ZG16B: variants seen among roughly 807,000 people sequenced by gnomAD.
ZG16B encodes zymogen granule protein 16B, also known as pancreatic adenocarcinoma up-regulated factor.
Under a neutral mutation model 7.0 loss-of-function variants are expected in ZG16B, and 8 were observed. That is an observed-to-expected ratio of 1.15 (90% confidence interval 0.68 to 2.08). ZG16B has a LOEUF of 2.08. Ranked by LOEUF, ZG16B falls within the 30% of genes most tolerant of loss-of-function variation. The pLI is 0.00. For synonymous variants in ZG16B, 92 were observed against 86.1 expected (o/e 1.07, Z -0.38); for missense variants, 232 against 211.0 (o/e 1.10, Z -0.62).
In ZG16B at chr16:2,830,409, CCACAGAGCCCTGGGATGCACCGG is replaced by C. The variant is rs537078933; in HGVS notation, c.-27-4_-9del. On this transcript the variant is annotated splice_acceptor_variant and splice_polypyrimidine_tract_variant and 5_prime_UTR_variant and intron_variant, in exon 2 of 4. Coordinates refer to ENST00000382280, the MANE Select transcript of ZG16B (RefSeq NM_145252.3). LOFTEE classifies it low-confidence loss of function (5UTR_SPLICE). ...TGGAGTCAGGAGGCCTCTCTTCTTC[CCACAGAGCCCTGGGATGCACCGG>C]CCAGAGGCCATGCTGCTGCTGCTCA... The C allele has an allele frequency of 3.6e-4, 581 of 1,604,790 alleles. 9 individuals are homozygous for C. In the East Asian group the frequency reaches 0.01, roughly 29 times the overall value.
In ZG16B at chr16:2,832,141, C is replaced by A; in HGVS notation, c.501C>A (p.Asn167Lys). Residue 167 changes from asparagine to lysine, a missense_variant, in exon 4 of 4, where the codon AAC (asparagine) becomes AAA (lysine). Transcript: ENST00000382280. ...EPPVNLTYSA[N>K]SPVGR ...CAGTTAATCTCACATACTCAGCAAA[C>A]TCACCCGTGGGTCGCTAGGGTGGGG... The A allele has an allele frequency of 6.2e-7, 1 of 1,612,874 alleles. No homozygotes were observed. The highest frequency in any genetic ancestry group is 8.5e-7 in the Non-Finnish European group (1 of 1,179,006).
In ZG16B at chr16:2,832,130, T is replaced by A. The variant is rs565502627; in HGVS notation, c.490T>A (p.Tyr164Asn). Residue 164 changes from tyrosine to asparagine, a missense_variant, in exon 4 of 4, where the codon TAC becomes AAC. Tyr to Asn is a moderately radical substitution (Grantham distance 143, BLOSUM62 -2). Coordinates refer to ENST00000382280, the MANE Select transcript of ZG16B (RefSeq NM_145252.3). ...CACTGAGCCACCAGTTAATCTCACA[T>A]ACTCAGCAAACTCACCCGTGGGTCG... ...PTTEPPVNLT[Y>N]SANSPVGR 6.2e-7 allele frequency: 1 copy of A among 1,613,688 alleles called. No individual in the cohort carries two copies. The highest frequency in any genetic ancestry group is 1.1e-5 in the South Asian group (1 of 91,068).
chr16:2,831,960 T>C lies in ZG16B; in HGVS notation c.320T>C (p.Phe107Ser). 6.2e-7 allele frequency: 1 copy of C among 1,614,116 alleles called. No individual in the cohort carries two copies. Among genetic ancestry groups the C allele is most frequent in the Non-Finnish European group, 8.5e-7 (1 of 1,180,024 alleles). Residue 107 changes from phenylalanine to serine, a missense_variant, in exon 4 of 4, where the codon TTC becomes TCC. Transcript: ENST00000382280. The stretch of plus-strand genomic sequence containing the variant: ...ATGTACACCAGCAAGGACCGCTATT[T>C]CTATTTTGGGAAGCTTGATGGCCAG... Reference protein sequence around the residue: ...MVMYTSKDRYFYFGKLDGQIS... With the variant: ...MVMYTSKDRYSYFGKLDGQIS...
Position 2,831,995 on chromosome 16 carries a change from G to C in ZG16B, c.355G>C (p.Ala119Pro), listed in dbSNP as rs745493741. ...GAAGCTTGATGGCCAGATCTCCTCT[G>C]CCTACCCCAGCCAAGAGGGGCAGGT... is the stretch of plus-strand genomic sequence containing the variant. The part of the protein sequence containing the change: ...FGKLDGQISS[A>P]YPSQEGQVLV... Residue 119 changes from alanine to proline, a missense_variant, in exon 4 of 4, where the codon GCC (alanine) becomes CCC (proline). Coordinates refer to ENST00000382280, the MANE Select transcript of ZG16B (RefSeq NM_145252.3). The C allele has an allele frequency of 3.1e-6, 5 of 1,614,160 alleles. No homozygotes were observed. Among genetic ancestry groups the C allele is most frequent in the Non-Finnish European group, 4.2e-6 (5 of 1,180,030 alleles).
In ZG16B at chr16:2,830,340, G is replaced by A. The variant is rs775843483; in HGVS notation, c.-28+12G>A. The A allele has an allele frequency of 6.2e-7, 1 of 1,612,578 alleles. No individual in the cohort carries two copies. The highest frequency in any genetic ancestry group is 8.5e-7 in the Non-Finnish European group (1 of 1,179,360). On this transcript the variant is annotated intron_variant, in intron 1 of 3. Transcript: ENST00000382280. ...CAGTCACAGGCGAGGTAAGGTGCTTGGCTCCATGGGTGGGGCCCGGCAAGG... is the reference window on the plus strand; with the variant it reads ...CAGTCACAGGCGAGGTAAGGTGCTTAGCTCCATGGGTGGGGCCCGGCAAGG...
chr16:2,830,744 G>A lies in ZG16B; in HGVS notation c.103G>A (p.Asp35Asn), dbSNP rs34779825. ...GKYFSTTEDY[D>N]HEITGLRVSV... ...GTATTTCAGCACCACTGAAGACTAC[G>A]ACCATGAAATCACAGGGCTGCGGGT... is the stretch of plus-strand genomic sequence containing the variant. The change falls in exon 3 of 4, where the codon GAC (aspartate) becomes AAC (asparagine). Residue 35 changes from aspartate (D) to asparagine (N), a missense_variant. Asp to Asn is a conservative substitution (Grantham distance 23, BLOSUM62 1). Transcript: ENST00000382280. 0.029 allele frequency: 47,057 copies of A among 1,614,096 alleles called. 869 individuals are homozygous for A. The highest frequency in any genetic ancestry group is 0.035 in the Non-Finnish European group (40,791 of 1,179,982).
chr16:2,830,369 C>T (rs1251979718), intron 1 of ZG16B, 41 bp downstream of exon 1: 11 of 1,608,592 alleles, frequency 6.8e-6, no homozygotes, highest in African/African-American at 2.7e-5. Flanking sequence ...GGCAAGGTCA[C>T]ACTGGCCCTT....
chr16:2,831,682 A>G lies in ZG16B; in HGVS notation c.156-114A>G, dbSNP rs981523127. 3.4e-6 allele frequency: 5 copies of G among 1,464,906 alleles called. No homozygotes were observed. The African/African-American group carries it at 7.1e-5, about 21-fold the overall frequency. The allele number at this position is 1,464,906 out of a possible 1,614,324, so 90.7% of individuals were successfully genotyped here. ...CAGTGAGTCTGTGTCAGGGACCCAA[A>G]GTCTGATGGTGCTGGACTCTCTGCA... On this transcript the variant is annotated intron_variant, in intron 3 of 3. Transcript: ENST00000382280.
At chr16:2,831,741 G>A (rs548227056) in intron 3 of ZG16B, 55 bp from the exon 4 acceptor site, 96 of 1,559,578 alleles carry the variant, frequency 6.2e-5, no homozygotes, top group African/African-American at 5.6e-4. Context: ...CTGAGGACCC[G>A]GGATGTGCTG....
In ZG16B at chr16:2,831,976, T is replaced by G. The variant is rs1294931469; in HGVS notation, c.336T>G (p.Leu112=). 2 of 1,613,992 alleles carry G rather than the reference T, an allele frequency of 1.2e-6. No individual in the cohort carries two copies. The highest frequency in any genetic ancestry group is 1.7e-6 in the Non-Finnish European group (2 of 1,180,040). The stretch of plus-strand genomic sequence containing the variant: ...ACCGCTATTTCTATTTTGGGAAGCT[T>G]GATGGCCAGATCTCCTCTGCCTACC... The part of the protein sequence containing the change: ...SKDRYFYFGK[L]DGQISSAYPS... Residue 112 remains leucine (L), a synonymous_variant, in exon 4 of 4, where the codon CTT becomes CTG. Transcript: ENST00000382280.
chr16:2,830,592 C>A (rs2069248435), intron 2 of ZG16B, 99 bp downstream of exon 2: 3 of 1,584,284 alleles, frequency 1.9e-6, no homozygotes, highest in South Asian at 2.3e-5. Context: ...GTCACAGAAC[C>A]ATCCTGTCTG....
Position 2,831,845 on chromosome 16 carries a change from G to A in ZG16B, c.205G>A (p.Gly69Ser), listed in dbSNP as rs774166678. 9.9e-6 allele frequency: 16 copies of A among 1,613,894 alleles called. No individual in the cohort carries two copies. Among genetic ancestry groups the A allele is most frequent in the Admixed American group, 1.7e-5 (1 of 60,002 alleles). Residue 69 changes from glycine (G) to serine (S), a missense_variant, in exon 4 of 4, where the codon GGT (glycine) becomes AGT (serine). Transcript: ENST00000382280. ...CTGGGACGTGAAACTGGGAGCCTTA[G>A]GTGGGAATACCCAGGAAGTCACCCT... ...DSWDVKLGAL[G>S]GNTQEVTLQP...
intron 3 of ZG16B, among the ~76,000 whole-genome samples, chr16:2,831,478 C>G (rs954083561): frequency 1.3e-5 from 2 of 152,218 alleles, no homozygotes; most frequent in Non-Finnish European, 2.9e-5. Flanking sequence ...ACAGTGACGG[C>G]AGCTGGTGCC....
chr16:2,831,423 G>A (rs748978641), intron 3 of ZG16B, among the ~76,000 whole-genome samples: 2 of 152,192 alleles, frequency 1.3e-5, no homozygotes, highest in Non-Finnish European at 2.9e-5. Context: ...AGTGACTAAG[G>A]CTCGGGAGGT....
rs752774863 is a variant in ZG16B, at chr16:2,831,780, T to G, written c.156-16T>G. ...CATCCCAGATCTGGACGTCCAAAGC[T>G]TTGCCTCTCTCCCAGTGTCCAGGTG... On this transcript the variant is annotated splice_polypyrimidine_tract_variant and intron_variant, in intron 3 of 3. Transcript: ENST00000382280. 4.4e-6 allele frequency: 7 copies of G among 1,603,272 alleles called. No homozygotes were observed. In the South Asian group the frequency reaches 5.6e-5, roughly 13 times the overall value.
In ZG16B at chr16:2,832,256, ATAAATAAAGGT is replaced by A; in HGVS notation, c.*99_*109del. ...CGGGACGCTGAATCTGAATCCACCAATAAATAAAGGTTCTGCAGAATCAGTGCATCCAGGAT... is the reference window on the plus strand; with the variant it reads ...CGGGACGCTGAATCTGAATCCACCAATCTGCAGAATCAGTGCATCCAGGAT... On this transcript the variant is annotated 3_prime_UTR_variant, in exon 4 of 4. Transcript: ENST00000382280. 1 of 1,505,986 alleles carries A rather than the reference ATAAATAAAGGT, an allele frequency of 6.6e-7. No homozygotes were observed. The highest frequency in any genetic ancestry group is 2.3e-5 in the East Asian group (1 of 44,042). The allele number at this position is 1,505,986 out of a possible 1,614,324, so 93.3% of individuals were successfully genotyped here.
At position 2,830,784 on chromosome 16, in the gene ZG16B, T is replaced by A. The variant is rs760036031; in HGVS notation, c.143T>A (p.Leu48His). 2 of 1,609,532 alleles carry A rather than the reference T, an allele frequency of 1.2e-6. No homozygotes were observed. The highest frequency in any genetic ancestry group is 1.7e-6 in the Non-Finnish European group (2 of 1,179,558). Residue 48 changes from leucine (L) to histidine (H), a missense_variant, in exon 3 of 4, where the codon CTC becomes CAC. Transcript: ENST00000382280. ...GGGCTGCGGGTGTCTGTAGGTCTTCTCCTGGTGAAAAGGTGAGTAGGGCTA... is the reference window on the plus strand; with the variant it reads ...GGGCTGCGGGTGTCTGTAGGTCTTCACCTGGTGAAAAGGTGAGTAGGGCTA... ...ITGLRVSVGL[L>H]LVKSVQVKLG...
chr16:2,830,874 A>G, intron 3 of ZG16B, 78 bp downstream of exon 3: 1 of 1,507,268 alleles, frequency 6.6e-7, no homozygotes, highest in Non-Finnish European at 9.2e-7. Context: ...GGCAGGGGGT[A>G]AGCACCCGTG....
At position 2,832,266 on chromosome 16, in the gene ZG16B, G is replaced by A. The variant is rs886953; in HGVS notation, c.*107G>A. 1 of 1,485,474 alleles carries A rather than the reference G, an allele frequency of 6.7e-7. No individual in the cohort carries two copies. The highest frequency in any genetic ancestry group is 9.0e-7 in the Non-Finnish European group (1 of 1,110,774). 92.0% of individuals were successfully genotyped at this position (1,485,474 alleles called of 1,614,324 possible). On this transcript the variant is annotated 3_prime_UTR_variant, in exon 4 of 4. Transcript: ENST00000382280. Reference sequence around the variant, plus strand: ...AATCTGAATCCACCAATAAATAAAGGTTCTGCAGAATCAGTGCATCCAGGA... The same window carrying A: ...AATCTGAATCCACCAATAAATAAAGATTCTGCAGAATCAGTGCATCCAGGA...
Sources: gnomAD v4.1 joint callset for allele counts (sites outside exome capture counted in the v4.1 genomes callset) on GRCh38, gnomAD v4.1.1 for gene constraint, MANE v1.5 for transcripts, NCBI Gene and HGNC (gene_info 2026-07-23, HGNC 2026-07-21) for gene names.